ZNF221: variants seen among roughly 807,000 people sequenced by gnomAD.
The protein encoded by ZNF221 is zinc finger protein 221.
ZNF221 carries 10 observed loss-of-function variants against 12.6 expected under a neutral mutation model. The observed-to-expected ratio is 0.79, with a 90% CI of 0.49 to 1.34. ZNF221 has a LOEUF of 1.34. Ranked by LOEUF, ZNF221 falls within the 40% of genes most tolerant of loss-of-function variation. The pLI is 0.00. For synonymous variants in ZNF221, 232 were observed against 244.0 expected, an observed-to-expected ratio of 0.95 and a Z score of 0.46; for missense variants, 661 against 721.4, an observed-to-expected ratio of 0.92 and a Z score of 0.96.
At chr19:43,951,568 G>A (rs2147327548) in intron 1 of ZNF221, among the ~76,000 whole-genome samples, 168 bp downstream of exon 1, 1 of 152,282 alleles carries the variant, frequency 6.6e-6, no homozygotes, top group East Asian at 1.9e-4. Context: ...CTGGCGCGGG[G>A]CCGATTCCCC....
the ZNF221 span, among the ~76,000 whole-genome samples, chr19:43,973,062 G>C: frequency 6.6e-6 from 1 of 152,124 alleles, no homozygotes. Flanking sequence ...CCACAATCAA[G>C]TTGGCTTCAT....
At chr19:43,958,297 C>T (rs981413119) in intron 1 of ZNF221, among the ~76,000 whole-genome samples, 3 of 152,248 alleles carry the variant, frequency 2.0e-5, no homozygotes, top group Admixed American at 6.5e-5. Context: ...GAAAGGGGCC[C>T]CCTTAGCCAC....
chr19:43,952,333 G>A (rs1004265912), intron 1 of ZNF221, among the ~76,000 whole-genome samples: 27 of 152,142 alleles, frequency 1.8e-4, no homozygotes, highest in African/African-American at 5.3e-4. Context: ...GGAGGTAGAC[G>A]GAGTGACTCC....
At position 43,966,852 on chromosome 19, in the gene ZNF221, T is replaced by TA; in HGVS notation, c.1352dup (p.Asn451LysfsTer3). 6.2e-7 allele frequency: 1 copy of TA among 1,614,180 alleles called. No individual in the cohort carries two copies. The highest frequency in any genetic ancestry group is 8.5e-7 in the Non-Finnish European group (1 of 1,180,024). On this transcript the variant is annotated frameshift_variant, in exon 5 of 5. Coordinates refer to ENST00000587682, the MANE Select transcript of ZNF221 (RefSeq NM_001297588.2). LOFTEE classifies it low-confidence loss of function (END_TRUNC). ...GATCCCACAATGGAGAAAAGCCATA[T>TA]AACTGTGAGGAGTGTGGTAAGGACT...
At chr19:43,980,801 G>T in the ZNF221 span, among the ~76,000 whole-genome samples, 12 of 152,176 alleles carry the variant, frequency 7.9e-5, no homozygotes, top group Admixed American at 2.0e-4. Context: ...TCATTGAGGC[G>T]TGCTACTTTG....
Position 43,965,302 on chromosome 19 carries a change from C to T in ZNF221, c.278C>T (p.Thr93Ile). 1 of 1,613,384 alleles carries T rather than the reference C, an allele frequency of 6.2e-7. No individual in the cohort carries two copies. The highest frequency in any genetic ancestry group is 8.5e-7 in the Non-Finnish European group (1 of 1,179,682). The change falls in exon 4 of 5, where the codon ACA becomes ATA. Residue 93 changes from threonine (T) to isoleucine (I), a missense_variant. Coordinates refer to ENST00000587682, the MANE Select transcript of ZNF221 (RefSeq NM_001297588.2). ...GAAAAGTTTTGGAAGATGAAGACAACAAGCCAAAGAGAAGGGAATTCAGGT... is the reference window on the plus strand; with the variant it reads ...GAAAAGTTTTGGAAGATGAAGACAATAAGCCAAAGAGAAGGGAATTCAGGT... ...GKEKFWKMKT[T>I]SQREGNSGGK...
downstream of ZNF221, among the ~76,000 whole-genome samples, chr19:43,971,532 A>G (rs529732400): frequency 3.0e-3 from 458 of 152,340 alleles, 4 homozygotes; most frequent in African/African-American, 8.2e-3. Context: ...GCAAAGACAC[A>G]CATAGGCTCA....
At chr19:43,956,973 G>A (rs560255699) in intron 1 of ZNF221, among the ~76,000 whole-genome samples, 4 of 152,290 alleles carry the variant, frequency 2.6e-5, no homozygotes, top group South Asian at 2.1e-4. Flanking sequence ...AAAAAGGAAC[G>A]TGACATTCAA....
At chr19:43,974,525 C>T in the ZNF221 span, among the ~76,000 whole-genome samples, 4 of 151,902 alleles carry the variant, frequency 2.6e-5, no homozygotes, top group Admixed American at 1.3e-4. Flanking sequence ...CCAGAGCCTA[C>T]AAGGAACTTA....
chr19:43,965,044 T>C lies in ZNF221; in HGVS notation c.176T>C (p.Met59Thr), dbSNP rs201348781. The change falls in exon 3 of 5, where the codon ATG (methionine) becomes ACG (threonine). Residue 59 changes from methionine to threonine, a missense_variant. Coordinates refer to ENST00000587682, the MANE Select transcript of ZNF221 (RefSeq NM_001297588.2). ...CAGAGGAAGCTGTACCGAGATGTGA[T>C]GCTAGAGAACTTCAGGAACCTGCTC... ...PAQRKLYRDV[M>T]LENFRNLLSV... 22 of 1,614,142 alleles carry C rather than the reference T, an allele frequency of 1.4e-5. No individual in the cohort carries two copies. The East Asian group carries it at 4.9e-4, about 36-fold the overall frequency.
intron 2 of ZNF221, 108 bp downstream of exon 2, chr19:43,962,915 G>A (rs1366820038): frequency 2.8e-6 from 3 of 1,071,742 alleles, no homozygotes; most frequent in South Asian, 1.8e-5. Flanking sequence ...GCATTTGAGG[G>A]CATTTTGTTT....
chr19:43,972,732 G>C, the ZNF221 span, among the ~76,000 whole-genome samples: 1 of 104,552 alleles, frequency 9.6e-6, no homozygotes, highest in Non-Finnish European at 1.8e-5. Flanking sequence ...GACCAATAAC[G>C]ACTTCTGAAA....
At chr19:43,955,935 A>G (rs1974747397) in intron 1 of ZNF221, among the ~76,000 whole-genome samples, 1 of 152,188 alleles carries the variant, frequency 6.6e-6, no homozygotes, top group Non-Finnish European at 1.5e-5. Context: ...TCTTCTGGGC[A>G]CTGCCATCCC....
In ZNF221 at chr19:43,967,057, T is replaced by A. The variant is rs365745; in HGVS notation, c.1555T>A (p.Ser519Thr). 0.84 allele frequency: 1,356,176 copies of A among 1,613,616 alleles called. 574,071 individuals carry two copies. The highest frequency in any genetic ancestry group is 0.88 in the Admixed American group (52,552 of 60,008). Residue 519 changes from serine (S) to threonine (T), a missense_variant, in exon 5 of 5, where the codon TCA becomes ACA. Physicochemically the swap from Ser to Thr is moderately conservative, Grantham distance 58. Transcript: ENST00000587682. ...EECGKRFTQS[S>T]QLHSHQTCHT... ...GTGTGGAAAGAGATTTACTCAGAGT[T>A]CACAACTTCATTCCCATCAGACATG...
chr19:43,954,364 T>A (rs765210001), intron 1 of ZNF221, among the ~76,000 whole-genome samples: 1 of 152,180 alleles, frequency 6.6e-6, no homozygotes, highest in Non-Finnish European at 1.5e-5. Flanking sequence ...TATTCATTCC[T>A]TTACCCTCAG....
At chr19:43,956,656 G>A (rs995296813) in intron 1 of ZNF221, among the ~76,000 whole-genome samples, 7 of 151,890 alleles carry the variant, frequency 4.6e-5, no homozygotes, top group South Asian at 2.1e-4. Flanking sequence ...CTTTACCTTC[G>A]GCCTTTTAAA....
chr19:43,959,641 T>G (rs761767780), intron 1 of ZNF221, among the ~76,000 whole-genome samples: 5 of 152,230 alleles, frequency 3.3e-5, no homozygotes, highest in Non-Finnish European at 5.9e-5. Context: ...CTGCTCTCAC[T>G]TTGTGACATG....
At chr19:43,976,869 C>G in the ZNF221 span, 1 of 152,178 alleles carries the variant, frequency 6.6e-6, no homozygotes, top group Admixed American at 6.5e-5. Context: ...TAAGGTACAA[C>G]TGTTCAACCT....
At chr19:43,969,566 C>G (rs1198200009), downstream of ZNF221, among the ~76,000 whole-genome samples, 3 of 152,020 alleles carry the variant, frequency 2.0e-5, no homozygotes, top group Non-Finnish European at 4.4e-5. Flanking sequence ...CCAGGCTGGT[C>G]TTGAACTCCT....
Sources: gnomAD v4.1 joint callset for allele counts (sites outside exome capture counted in the v4.1 genomes callset) on GRCh38, gnomAD v4.1.1 for gene constraint, MANE v1.5 for transcripts, NCBI Gene and HGNC (gene_info 2026-07-23, HGNC 2026-07-21) for gene names.